The following ETFA variants were observed in gnomAD, a reference collection of about 807,000 sequenced individuals.
ETFA encodes electron transfer flavoprotein subunit alpha, also known as electron transfer flavoprotein subunit alpha, mitochondrial.
A neutral mutation model predicts 46.2 loss-of-function variants in ETFA; 22 were observed. The observed-to-expected ratio is 0.48, with a 90% CI of 0.34 to 0.68. The LOEUF (loss-of-function observed/expected upper bound fraction) is 0.68, where lower values mean the gene tolerates loss of function less well. ETFA is among the 30% of genes least tolerant of loss of function. ETFA has a pLI of 0.01. For synonymous variants in ETFA, 131 were observed against 139.9 expected (o/e 0.94, Z 0.45); for missense variants, 345 against 401.1 (o/e 0.86, Z 1.19).
chr15:76,274,144 A>G (rs1201718744), intron 9 of ETFA: 6 of 428,886 alleles, frequency 1.4e-5, no homozygotes, highest in Non-Finnish European at 2.5e-5. Context: ...GCTTTTATCA[A>G]TGTTTTATTT....
intron 8 of ETFA, among the ~76,000 whole-genome samples, chr15:76,281,817 G>T (rs1375852972): frequency 6.7e-6 from 1 of 149,740 alleles, no homozygotes; most frequent in Non-Finnish European, 1.5e-5. Flanking sequence ...CGTGGCAGCA[G>T]ATATATATAA....
At chr15:76,246,980 T>C (rs377013812) in intron 9 of ETFA, among the ~76,000 whole-genome samples, 3 of 152,336 alleles carry the variant, frequency 2.0e-5, no homozygotes, top group South Asian at 4.1e-4. Flanking sequence ...ATCAATTGCA[T>C]TCCTATATAT....
At chr15:76,272,562 TCTG>T (rs1304417049) in intron 9 of ETFA, among the ~76,000 whole-genome samples, 1 of 152,038 alleles carries the variant, frequency 6.6e-6, no homozygotes, top group African/African-American at 2.4e-5. Context: ...AGGTTGTGGG[TCTG>T]CTGATCTTTT....
rs563410256 is a variant in ETFA, at chr15:76,292,329, A to G, written c.351+102T>C. The G allele has an allele frequency of 5.0e-5, 42 of 838,528 alleles. No individual in the cohort carries two copies. The South Asian group carries it at 5.3e-4, about 11-fold the overall frequency. 51.9% of individuals were successfully genotyped at this position (838,528 alleles called of 1,614,324 possible). ...AAAACTACCACATCAATTCAGATAA[A>G]TCCAGATTGGCTACATAAACAGTCT... On this transcript the variant is annotated intron_variant, in intron 4 of 11. Transcript: ENST00000557943.
Position 76,285,754 on chromosome 15 carries a change from C to A in ETFA, c.563-16G>T. ...GTACTTGATGCTGCATACATTAATACATAATAAAACAATGACTATGATTTC... is the reference window on the plus strand; with the variant it reads ...GTACTTGATGCTGCATACATTAATAAATAATAAAACAATGACTATGATTTC... On this transcript the variant is annotated splice_polypyrimidine_tract_variant and intron_variant, in intron 6 of 11. Transcript: ENST00000557943. The A allele has an allele frequency of 7.4e-7, 1 of 1,344,852 alleles. No homozygotes were observed. The highest frequency in any genetic ancestry group is 2.3e-5 in the East Asian group (1 of 43,618). 83.3% of individuals were successfully genotyped at this position (1,344,852 alleles called of 1,614,324 possible).
In ETFA at chr15:76,225,870, T is replaced by G. The variant is rs1253828046; in HGVS notation, c.942A>C (p.Gly314=). The change falls in exon 11 of 12, where the codon GGA becomes GGC. Residue 314 remains glycine (G), a synonymous_variant. Coordinates refer to ENST00000557943, the MANE Select transcript of ETFA (RefSeq NM_000126.4). ...EAPIFQVADY[G]IVADLFKVVP... is the part of the protein sequence containing the mutation. ...TTACCTTAAATAAATCTGCAACTATTCCATAATCTGCCACTTGGAAAATTG... is the reference window on the plus strand; with the variant it reads ...TTACCTTAAATAAATCTGCAACTATGCCATAATCTGCCACTTGGAAAATTG... The G allele has an allele frequency of 6.8e-6, 11 of 1,609,440 alleles. No homozygotes were observed. The highest frequency in any genetic ancestry group is 9.4e-6 in the Non-Finnish European group (11 of 1,175,832).
chr15:76,289,949 T>C (rs1316061974), intron 4 of ETFA, among the ~76,000 whole-genome samples: 8 of 152,232 alleles, frequency 5.3e-5, no homozygotes, highest in South Asian at 2.1e-4. Flanking sequence ...ACTGTCATCA[T>C]AGAAGGAAAC....
intron 9 of ETFA, among the ~76,000 whole-genome samples, chr15:76,250,597 A>G (rs914262275): frequency 4.6e-5 from 7 of 152,074 alleles, no homozygotes; most frequent in Non-Finnish European, 4.4e-5. Flanking sequence ...CAGTGGCACA[A>G]TCATAGCTCA....
chr15:76,302,558 G>A (rs1033278900), intron 1 of ETFA, among the ~76,000 whole-genome samples: 12 of 148,808 alleles, frequency 8.1e-5, no homozygotes, highest in Admixed American at 4.0e-4. Flanking sequence ...GAGTGGGGGC[G>A]GGGGCAGTGA....
At chr15:76,266,214 G>C (rs1345446714) in intron 9 of ETFA, among the ~76,000 whole-genome samples, 1 of 152,104 alleles carries the variant, frequency 6.6e-6, no homozygotes, top group Non-Finnish European at 1.5e-5. Context: ...CTCTTATAGT[G>C]ATAGATCTAA....
chr15:76,283,699 A>G (rs960050188), intron 8 of ETFA, 58 bp downstream of exon 8: 106 of 1,145,926 alleles, frequency 9.3e-5, no homozygotes, highest in Non-Finnish European at 1.3e-4. Context: ...TGAAATAATG[A>G]AGAAAAAATA....
At chr15:76,232,372 T>C (rs1052764353) in intron 9 of ETFA, among the ~76,000 whole-genome samples, 6 of 152,224 alleles carry the variant, frequency 3.9e-5, no homozygotes, top group African/African-American at 1.4e-4. Flanking sequence ...ACAGAAAAAC[T>C]GAACAAACAA....
intron 9 of ETFA, among the ~76,000 whole-genome samples, chr15:76,253,345 C>T (rs1386708115): frequency 2.6e-5 from 4 of 152,112 alleles, no homozygotes; most frequent in African/African-American, 7.2e-5. Flanking sequence ...TTGAGTATTA[C>T]ATATTTTTTT....
chr15:76,309,568 G>GTCTA (rs937333004), intron 1 of ETFA, among the ~76,000 whole-genome samples: 12 of 152,346 alleles, frequency 7.9e-5, no homozygotes, highest in African/African-American at 2.4e-4. Context: ...TGGAAGTAAT[G>GTCTA]TCTATACACA....
At chr15:76,243,402 C>T (rs2456070) in intron 9 of ETFA, among the ~76,000 whole-genome samples, 20,309 of 151,986 alleles carry the variant, frequency 0.13, 1,628 homozygotes, top group African/African-American at 0.22. Flanking sequence ...AAACTTCATT[C>T]TAGAATCTTG....
chr15:76,291,879 C>T (rs556358461), intron 4 of ETFA, among the ~76,000 whole-genome samples: 41 of 152,248 alleles, frequency 2.7e-4, no homozygotes, highest in Admixed American at 9.8e-4. Context: ...AATTCCTTGT[C>T]TTAAGCTCCC....
intron 9 of ETFA, among the ~76,000 whole-genome samples, chr15:76,247,705 A>G (rs1157071075): frequency 6.6e-6 from 1 of 152,170 alleles, no homozygotes; most frequent in East Asian, 1.9e-4. Flanking sequence ...ACGTGTTTGG[A>G]GCAGTGTAGA....
At chr15:76,263,205 T>C (rs978373907) in intron 9 of ETFA, among the ~76,000 whole-genome samples, 1 of 152,218 alleles carries the variant, frequency 6.6e-6, no homozygotes, top group Non-Finnish European at 1.5e-5. Context: ...TTGGGGCCTT[T>C]GCAACCTCCA....
At chr15:76,250,858 AG>A (rs2039291852) in intron 9 of ETFA, among the ~76,000 whole-genome samples, 1 of 152,164 alleles carries the variant, frequency 6.6e-6, no homozygotes, top group South Asian at 2.1e-4. Flanking sequence ...GTTACTTTTG[AG>A]GGGAGGAAAA....
Sources: gnomAD v4.1 joint callset for allele counts (sites outside exome capture counted in the v4.1 genomes callset) on GRCh38, gnomAD v4.1.1 for gene constraint, MANE v1.5 for transcripts, NCBI Gene and HGNC (gene_info 2026-07-23, HGNC 2026-07-21) for gene names.